The following PALM2AKAP2 variants were observed in gnomAD, a reference collection of about 807,000 sequenced individuals.
PALM2AKAP2 encodes PALM2 and AKAP2 fusion.
PALM2AKAP2 carries 37 observed loss-of-function variants against 71.5 expected under a neutral mutation model. The observed-to-expected ratio is 0.52, with a 90% CI of 0.40 to 0.68. The LOEUF is 0.68. Ranked by LOEUF, PALM2AKAP2 falls within the 30% of genes least tolerant of loss-of-function variation. The pLI is 0.00. For missense variants in PALM2AKAP2, 1,224 were observed against 1,191.8 expected, an observed-to-expected ratio of 1.03 and a Z score of -0.40; for synonymous variants, 468 against 478.8, an observed-to-expected ratio of 0.98 and a Z score of 0.29.
At chr9:109,695,519 G>C (rs1827957649) in intron 1 of PALM2AKAP2, among the ~76,000 whole-genome samples, 1 of 151,872 alleles carries the variant, frequency 6.6e-6, no homozygotes, top group South Asian at 2.1e-4. Context: ...ATCTTACTAC[G>C]GTTTTGATTT....
chr9:109,683,204 A>C (rs1255311611), intron 1 of PALM2AKAP2, among the ~76,000 whole-genome samples: 1 of 152,204 alleles, frequency 6.6e-6, no homozygotes, highest in Non-Finnish European at 1.5e-5. Flanking sequence ...CTTTCTGTAC[A>C]GCCTGCAGAA....
chr9:110,017,047 T>G (rs1466426276), intron 7 of PALM2AKAP2, among the ~76,000 whole-genome samples: 1 of 152,060 alleles, frequency 6.6e-6, no homozygotes, highest in African/African-American at 2.4e-5. Flanking sequence ...GCCTGGCTAA[T>G]TTTTTGTATT....
At chr9:110,090,422 TC>T (rs1171237883) in intron 1 of PALM2AKAP2, 1 of 456,604 alleles carries the variant, frequency 2.2e-6, no homozygotes, top group Non-Finnish European at 4.4e-6. Context: ...TCACGGTAGG[TC>T]TCAGTTACTT....
intron 2 of PALM2AKAP2, among the ~76,000 whole-genome samples, chr9:109,876,528 G>A (rs1201072471): frequency 6.6e-6 from 1 of 152,042 alleles, no homozygotes; most frequent in South Asian, 2.1e-4. Context: ...GCCCAGGTTG[G>A]AGTGCAGTGG....
At chr9:109,869,651 T>TTCCATCCATCCGTCCATCCA (rs1554722167) in intron 2 of PALM2AKAP2, among the ~76,000 whole-genome samples, 1 of 149,980 alleles carries the variant, frequency 6.7e-6, no homozygotes, top group Non-Finnish European at 1.5e-5. Flanking sequence ...TCATCCATCT[T>TTCCATCCATCCGTCCATCCA]TCCATCCATC....
intron 1 of PALM2AKAP2, among the ~76,000 whole-genome samples, chr9:109,768,030 A>AGCAAAGGCAGGTAGGTAGG (rs1829188660): frequency 2.2e-5 from 1 of 45,940 alleles, no homozygotes; most frequent in South Asian, 9.8e-4. Context: ...GGAAGGAAGG[A>AGCAAAGGCAGGTAGGTAGG]AAGAAAAAGA....
At chr9:110,093,651 G>C (rs534814857) in intron 1 of PALM2AKAP2, among the ~76,000 whole-genome samples, 1 of 152,228 alleles carries the variant, frequency 6.6e-6, no homozygotes, top group Non-Finnish European at 1.5e-5. Context: ...CCTGACATTT[G>C]TGATCTGGGG....
chr9:109,725,820 G>A (rs1828467844), intron 1 of PALM2AKAP2, among the ~76,000 whole-genome samples: 1 of 152,122 alleles, frequency 6.6e-6, no homozygotes, highest in South Asian at 2.1e-4. Context: ...GTTTTTATTG[G>A]AGTGACATGA....
chr9:109,886,241 A>G (rs898630647), intron 3 of PALM2AKAP2, among the ~76,000 whole-genome samples: 1 of 151,984 alleles, frequency 6.6e-6, no homozygotes, highest in African/African-American at 2.4e-5. Context: ...CCGTGCCATT[A>G]TTGTGTGTGG....
intron 6 of PALM2AKAP2, among the ~76,000 whole-genome samples, chr9:109,996,325 T>C (rs1832574778): frequency 6.6e-6 from 1 of 152,200 alleles, no homozygotes; most frequent in Non-Finnish European, 1.5e-5. Flanking sequence ...GTAATATTTG[T>C]GAAATAATTG....
At chr9:109,814,192 G>T (rs530744057) in intron 1 of PALM2AKAP2, among the ~76,000 whole-genome samples, 52 of 152,328 alleles carry the variant, frequency 3.4e-4, no homozygotes, top group Non-Finnish European at 6.6e-4. Context: ...CCACACAAAA[G>T]AAGGCACATA....
chr9:110,017,330 TG>T (rs1832999851), intron 7 of PALM2AKAP2, among the ~76,000 whole-genome samples: 1 of 152,254 alleles, frequency 6.6e-6, no homozygotes, highest in Non-Finnish European at 1.5e-5. Flanking sequence ...TAAAGCTAAA[TG>T]AAAGATAGGA....
At chr9:110,140,574 T>C (rs1300279190) in intron 2 of PALM2AKAP2, among the ~76,000 whole-genome samples, 1 of 152,238 alleles carries the variant, frequency 6.6e-6, no homozygotes, top group African/African-American at 2.4e-5. Context: ...TAATTCTTAT[T>C]TAATAAAAAG....
At chr9:110,134,358 A>G (rs1410613364) in intron 1 of PALM2AKAP2, among the ~76,000 whole-genome samples, 2 of 152,236 alleles carry the variant, frequency 1.3e-5, no homozygotes, top group African/African-American at 2.4e-5. Context: ...ATTAGCAATT[A>G]TAAATATTAA....
intron 1 of PALM2AKAP2, among the ~76,000 whole-genome samples, chr9:109,835,192 G>C (rs1828427049): frequency 6.6e-6 from 1 of 150,804 alleles, no homozygotes; most frequent in South Asian, 2.1e-4. Context: ...AAGAGGAGAG[G>C]GTGTAGGGAA....
At chr9:109,827,724 T>C (rs1828192233) in intron 1 of PALM2AKAP2, among the ~76,000 whole-genome samples, 1 of 152,112 alleles carries the variant, frequency 6.6e-6, no homozygotes, top group Admixed American at 6.5e-5. Context: ...CAGGCACTCA[T>C]TCACAGGTCC....
chr9:109,934,247 TC>T (rs1158802781), intron 6 of PALM2AKAP2, among the ~76,000 whole-genome samples: 1 of 152,208 alleles, frequency 6.6e-6, no homozygotes, highest in African/African-American at 2.4e-5. Flanking sequence ...TTAATCTTCC[TC>T]CAAGTTTCCC....
intron 3 of PALM2AKAP2, among the ~76,000 whole-genome samples, chr9:109,905,404 G>C (rs568969092): frequency 2.6e-5 from 4 of 152,236 alleles, no homozygotes; most frequent in African/African-American, 9.6e-5. Flanking sequence ...ACCAGAAAAG[G>C]GCCCCAAAGG....
chr9:110,042,086 T>C (rs1352187127), intron 7 of PALM2AKAP2, among the ~76,000 whole-genome samples: 1 of 152,178 alleles, frequency 6.6e-6, no homozygotes, highest in South Asian at 2.1e-4. Context: ...GACCATAGAC[T>C]AACATATGCC....
Sources: gnomAD v4.1 joint callset for allele counts (sites outside exome capture counted in the v4.1 genomes callset) on GRCh38, gnomAD v4.1.1 for gene constraint, MANE v1.5 for transcripts, NCBI Gene and HGNC (gene_info 2026-07-23, HGNC 2026-07-21) for gene names.